Variants in PER3 observed in about 807,000 individuals in gnomAD.
The protein encoded by PER3 is period circadian protein homolog 3.
In PER3, 107 loss-of-function variants were observed where a neutral mutation model predicts 127.2. That is an observed-to-expected ratio of 0.84 (90% CI 0.72 to 0.99). The LOEUF (loss-of-function observed/expected upper bound fraction) is 0.99. Ranked by LOEUF, PER3 falls within the 50% of genes least tolerant of loss-of-function variation. The probability of loss-of-function intolerance (pLI) is 0.00; values close to 1 mark genes in which losing one functional copy is unlikely to be tolerated. For missense variants in PER3, 1,560 were observed against 1,525.8 expected (o/e 1.02, Z -0.37); for synonymous variants, 618 against 585.8 (o/e 1.05, Z -0.79).
Position 7,820,321 on chromosome 1 carries a change from A to G in PER3, c.1783+82A>G, listed in dbSNP as rs115997247. On this transcript the variant is annotated intron_variant, in intron 15 of 21. Coordinates refer to ENST00000377532, the MANE Select transcript of PER3 (RefSeq NM_001377275.1). Reference sequence around the variant, plus strand: ...TTTCTCTTTAATGTCTTATATTGTTATAAGCATAAAATTCTGGTTTCATAT... The same window carrying G: ...TTTCTCTTTAATGTCTTATATTGTTGTAAGCATAAAATTCTGGTTTCATAT... The G allele has an allele frequency of 4.8e-4, 715 of 1,484,676 alleles. 2 individuals carry two copies. In the African/African-American group the frequency reaches 9.1e-3, roughly 19 times the overall value. The allele number at this position is 1,484,676 out of a possible 1,614,324, so 92.0% of individuals were successfully genotyped here.
At chr1:7,821,912 T>C (rs2097278547) in intron 16 of PER3, among the ~76,000 whole-genome samples, 1 of 152,244 alleles carries the variant, frequency 6.6e-6, no homozygotes, top group South Asian at 2.1e-4. Context: ...CTAAGGACGA[T>C]GGTCACAAAT....
At chr1:7,834,566 C>T (rs184702051) in intron 19 of PER3, among the ~76,000 whole-genome samples, 1 of 152,012 alleles carries the variant, frequency 6.6e-6, no homozygotes, top group African/African-American at 2.4e-5. Flanking sequence ...AGCAATCCTC[C>T]AACCTTAGCC....
chr1:7,819,963 C>T, intron 14 of PER3, 152 bp from the exon 15 acceptor site: 1 of 728,184 alleles, frequency 1.4e-6, no homozygotes, highest in Non-Finnish European at 2.4e-6. Flanking sequence ...TGTTACAATC[C>T]AGTGATTGAG....
intron 21 of PER3, among the ~76,000 whole-genome samples, chr1:7,841,334 A>G (rs1264022644): frequency 6.6e-6 from 1 of 151,442 alleles, no homozygotes; most frequent in Non-Finnish European, 1.5e-5. Flanking sequence ...ATCTAATAAC[A>G]TAGTAATTCT....
intron 19 of PER3, among the ~76,000 whole-genome samples, chr1:7,831,782 T>C (rs2151208764): frequency 6.6e-6 from 1 of 152,384 alleles, no homozygotes; most frequent in African/African-American, 2.4e-5. Context: ...TGTTGGATTA[T>C]CTTCCTAATA....
intron 21 of PER3, among the ~76,000 whole-genome samples, chr1:7,837,868 A>G (rs1003065626): frequency 6.6e-6 from 1 of 152,204 alleles, no homozygotes; most frequent in Non-Finnish European, 1.5e-5. Context: ...GTTGGAGACC[A>G]CGCTGGGCAG....
At chr1:7,836,758 G>A (rs1216509723) in intron 20 of PER3, 1 of 345,734 alleles carries the variant, frequency 2.9e-6, no homozygotes, top group African/African-American at 2.1e-5. Context: ...TCTAAAAAGA[G>A]CTAAGGGAAA....
At chr1:7,825,890 T>C (rs2097299100) in intron 16 of PER3, among the ~76,000 whole-genome samples, 2 of 64,048 alleles carry the variant, frequency 3.1e-5, no homozygotes, top group Non-Finnish European at 7.1e-5. Context: ...AAACTCCATC[T>C]CAAAAAAAAA....
At chr1:7,786,974 G>T (rs1187341549) in intron 4 of PER3, 138 bp downstream of exon 4, 8 of 627,172 alleles carry the variant, frequency 1.3e-5, no homozygotes, top group Non-Finnish European at 2.3e-5. Context: ...TGCTAAAGAG[G>T]CATGGTGTAG....
chr1:7,796,753 T>C (rs1286557562), intron 6 of PER3, among the ~76,000 whole-genome samples: 1 of 151,940 alleles, frequency 6.6e-6, no homozygotes, highest in East Asian at 1.9e-4. Flanking sequence ...CGGGGGGAGG[T>C]ATAAATATTT....
intron 7 of PER3, among the ~76,000 whole-genome samples, chr1:7,799,551 G>A (rs887223014): frequency 3.3e-5 from 5 of 151,028 alleles, no homozygotes; most frequent in Middle Eastern, 3.4e-3. Flanking sequence ...CGGAGGTTGC[G>A]GTGAGCTGAG....
At chr1:7,803,297 T>C in intron 9 of PER3, 144 bp downstream of exon 9, 1 of 669,184 alleles carries the variant, frequency 1.5e-6, no homozygotes, top group Non-Finnish European at 2.7e-6. Context: ...TATTTAAACA[T>C]ACTAAAACAG....
intron 21 of PER3, among the ~76,000 whole-genome samples, chr1:7,838,853 A>T (rs2097370405): frequency 6.6e-6 from 1 of 152,228 alleles, no homozygotes; most frequent in African/African-American, 2.4e-5. Context: ...TAAAGTGAGT[A>T]GGCAGCATAT....
chr1:7,837,404 A>G (rs2097363546), intron 21 of PER3, among the ~76,000 whole-genome samples: 1 of 152,128 alleles, frequency 6.6e-6, no homozygotes, highest in South Asian at 2.1e-4. Flanking sequence ...TTTTTCTTCT[A>G]CCAGTTGGAA....
At chr1:7,789,321 C>A (rs752616127) in intron 5 of PER3, among the ~76,000 whole-genome samples, 11 of 151,908 alleles carry the variant, frequency 7.2e-5, no homozygotes, top group African/African-American at 2.7e-4. Flanking sequence ...TGGGAGGAAC[C>A]CAGTGGGAGA....
At position 7,790,111 on chromosome 1, in the gene PER3, G is replaced by A. The variant is rs141559287; in HGVS notation, c.592+1865G>A. On this transcript the variant is annotated intron_variant, in intron 5 of 21. Transcript: ENST00000377532. Reference sequence around the variant, plus strand: ...CCCCAGGTATTTTTCCTTCAGCACTGCCTGTGGCTTTTCAGCCTTTTCATT... The same window carrying A: ...CCCCAGGTATTTTTCCTTCAGCACTACCTGTGGCTTTTCAGCCTTTTCATT... Among the ~76,000 whole-genome samples the A allele has an allele frequency of 3.3e-3, 497 of 152,258 alleles. 4 individuals carry two copies. The highest frequency in any genetic ancestry group is 0.011 in the African/African-American group (474 of 41,540).
intron 10 of PER3, among the ~76,000 whole-genome samples, chr1:7,805,964 G>T (rs907015592): frequency 3.9e-5 from 6 of 152,110 alleles, no homozygotes; most frequent in Non-Finnish European, 7.3e-5. Flanking sequence ...GGTCTAGTAG[G>T]TATTAATCTT....
rs779663407 is a variant in PER3 at position 7,837,119 on chromosome 1, C to T, written c.3519C>T (p.Ser1173=). The T allele has an allele frequency of 4.5e-5, 72 of 1,613,498 alleles. No homozygotes were observed. The highest frequency in any genetic ancestry group is 1.1e-5 in the Non-Finnish European group (13 of 1,179,816). ...CTAAGGTGTATAATTGGATTCAAAG[C>T]CAGACTGTCACTCAAGAAATCGACA... The part of the protein sequence containing the change: ...ELAKVYNWIQ[S]QTVTQEIDIQ... The change falls in exon 21 of 22, where the codon AGC becomes AGT. Residue 1173 remains serine, a synonymous_variant. Transcript: ENST00000377532.
At chr1:7,815,854 A>G (rs2097246915) in intron 13 of PER3, among the ~76,000 whole-genome samples, 1 of 151,572 alleles carries the variant, frequency 6.6e-6, no homozygotes, top group Non-Finnish European at 1.5e-5. Flanking sequence ...TTAGCCAGGC[A>G]TAGTGGCACA....
Sources: allele counts gnomAD v4.1 joint callset (sites outside exome capture counted in the v4.1 genomes callset), GRCh38; gene constraint gnomAD v4.1.1; transcripts MANE v1.5; gene names NCBI Gene and HGNC (gene_info 2026-07-23, HGNC 2026-07-21).